SLA: variants seen among roughly 807,000 people sequenced by gnomAD.
SLA encodes Src like adaptor, also known as src-like-adapter.
Under a neutral mutation model 30.3 loss-of-function variants are expected in SLA, and 16 were observed. The observed-to-expected ratio is 0.53, with a 90% CI of 0.36 to 0.80. SLA has a LOEUF of 0.80. Among genes scored for constraint, SLA ranks in the 30% least tolerant of loss-of-function variants. The probability of loss-of-function intolerance (pLI) is 0.01; values close to 1 mark genes in which losing one functional copy is unlikely to be tolerated. For synonymous variants in SLA, 143 were observed against 137.8 expected (o/e 1.04, Z -0.26); for missense variants, 310 against 345.2 (o/e 0.90, Z 0.81).
intron 1 of SLA, among the ~76,000 whole-genome samples, chr8:133,090,621 A>G (rs181841310): frequency 1.3e-5 from 2 of 152,340 alleles, no homozygotes; most frequent in East Asian, 3.9e-4. Flanking sequence ...GGATAATAAC[A>G]TTCCTAATGA....
intron 2 of SLA, among the ~76,000 whole-genome samples, chr8:133,070,658 T>G (rs1275845444): frequency 1.3e-5 from 2 of 152,242 alleles, no homozygotes; most frequent in Admixed American, 6.5e-5. Flanking sequence ...TTTGTCTTTT[T>G]ACTCCCACTC....
intron 1 of SLA, among the ~76,000 whole-genome samples, chr8:133,083,720 TATTTGAAGAGG>T (rs1208948905): frequency 1.3e-5 from 2 of 152,210 alleles, no homozygotes; most frequent in Admixed American, 6.5e-5. Flanking sequence ...ATAATTATTT[TATTTGAAGAGG>T]ATTTGAAGAG....
At chr8:133,075,269 C>G in intron 1 of SLA, 139 bp from the exon 2 acceptor site, 1 of 310,582 alleles carries the variant, frequency 3.2e-6, no homozygotes, top group Non-Finnish European at 4.7e-6. Flanking sequence ...TGAATTTGCT[C>G]TTGTACATCC....
intron 1 of SLA, among the ~76,000 whole-genome samples, chr8:133,075,339 T>C (rs1844698235): frequency 6.6e-6 from 1 of 152,120 alleles, no homozygotes; most frequent in African/African-American, 2.4e-5. Flanking sequence ...CTGATTTCGG[T>C]TTCCCAATTT....
At chr8:133,102,060 T>G (rs1849325110) in intron 1 of SLA, among the ~76,000 whole-genome samples, 2 of 152,246 alleles carry the variant, frequency 1.3e-5, no homozygotes. Context: ...CAACAATATC[T>G]GGAAAATAGT....
At chr8:133,088,056 A>G (rs573704390) in intron 1 of SLA, among the ~76,000 whole-genome samples, 22 of 152,276 alleles carry the variant, frequency 1.4e-4, no homozygotes, top group Non-Finnish European at 3.1e-4. Flanking sequence ...ACTTCCTAGG[A>G]TGGTAGTGGG....
At chr8:133,092,724 A>G (rs781326854) in intron 1 of SLA, among the ~76,000 whole-genome samples, 1 of 151,972 alleles carries the variant, frequency 6.6e-6, no homozygotes, top group Non-Finnish European at 1.5e-5. Flanking sequence ...TGCTCTCTAC[A>G]CACCTCTGCA....
At chr8:133,080,546 C>T (rs1459681369) in intron 1 of SLA, among the ~76,000 whole-genome samples, 1 of 152,144 alleles carries the variant, frequency 6.6e-6, no homozygotes, top group Admixed American at 6.5e-5. Flanking sequence ...AAGACTCAGG[C>T]CCTGCTGCTA....
intron 3 of SLA, among the ~76,000 whole-genome samples, chr8:133,057,678 C>G (rs1255210082): frequency 6.6e-6 from 1 of 151,612 alleles, no homozygotes; most frequent in Non-Finnish European, 1.5e-5. Flanking sequence ...CTATTTCCCT[C>G]AAGTCCTGCT....
chr8:133,083,807 C>G lies in SLA; in HGVS notation c.-318-8677G>C, dbSNP rs142975351. Among the ~76,000 whole-genome samples, 391 of 152,270 alleles carry G rather than the reference C, an allele frequency of 2.6e-3. 1 individual carries two copies. The highest frequency in any genetic ancestry group is 8.9e-3 in the African/African-American group (370 of 41,550). ...GCAGGCTCACGGACTCACATGTGCC[C>G]TTCTCATCCAGTGCCCTGCTGCCCC... On this transcript the variant is annotated intron_variant, in intron 1 of 8. Coordinates refer to ENST00000338087, the MANE Select transcript of SLA (RefSeq NM_001045556.3).
intron 2 of SLA, among the ~76,000 whole-genome samples, chr8:133,069,204 G>A (rs564042386): frequency 2.1e-4 from 32 of 152,376 alleles, no homozygotes; most frequent in African/African-American, 7.5e-4. Context: ...TATAAAGTCC[G>A]TGATTTCTTT....
At chr8:133,054,598 A>G (rs1170033380) in intron 3 of SLA, among the ~76,000 whole-genome samples, 2 of 152,254 alleles carry the variant, frequency 1.3e-5, no homozygotes, top group Admixed American at 6.5e-5. Context: ...TCACCAGACC[A>G]TAACTCAAGA....
chr8:133,097,639 A>G (rs1478572905), intron 1 of SLA, among the ~76,000 whole-genome samples: 2 of 152,332 alleles, frequency 1.3e-5, no homozygotes, highest in African/African-American at 2.4e-5. Context: ...GTAAGTGTGT[A>G]TATTTGTATG....
At chr8:133,088,218 A>G (rs1256951944) in intron 1 of SLA, among the ~76,000 whole-genome samples, 5 of 152,066 alleles carry the variant, frequency 3.3e-5, no homozygotes, top group Non-Finnish European at 7.4e-5. Flanking sequence ...TTTGAGCCCT[A>G]TGGCATTCCT....
At chr8:133,047,680 A>T in intron 6 of SLA, 150 bp downstream of exon 6, 1 of 666,694 alleles carries the variant, frequency 1.5e-6, no homozygotes, top group Non-Finnish European at 2.8e-6. Context: ...TGGCCTCCCC[A>T]GCAGCGTGTG....
intron 1 of SLA, among the ~76,000 whole-genome samples, chr8:133,078,692 A>G (rs1230718267): frequency 6.6e-6 from 1 of 152,206 alleles, no homozygotes; most frequent in African/African-American, 2.4e-5. Context: ...TTCAAAGCTA[A>G]ACACTCTTTT....
chr8:133,102,166 A>G (rs1163691834), intron 1 of SLA, among the ~76,000 whole-genome samples: 1 of 152,252 alleles, frequency 6.6e-6, no homozygotes, highest in African/African-American at 2.4e-5. Context: ...AGATAATTAT[A>G]CACAGAAAGC....
At chr8:133,097,197 C>T (rs747789951) in intron 1 of SLA, among the ~76,000 whole-genome samples, 5 of 152,186 alleles carry the variant, frequency 3.3e-5, no homozygotes, top group Admixed American at 6.5e-5. Context: ...GCAGTCTAAC[C>T]GGAATTTTAT....
At chr8:133,094,155 A>G (rs1484340008) in intron 1 of SLA, among the ~76,000 whole-genome samples, 2 of 151,976 alleles carry the variant, frequency 1.3e-5, no homozygotes, top group African/African-American at 2.4e-5. Flanking sequence ...GGATGACCCA[A>G]TTCTACCAAA....
Sources: gnomAD v4.1 joint callset for allele counts (sites outside exome capture counted in the v4.1 genomes callset) on GRCh38, gnomAD v4.1.1 for gene constraint, MANE v1.5 for transcripts, NCBI Gene and HGNC (gene_info 2026-07-23, HGNC 2026-07-21) for gene names.